MCC: variants seen among roughly 807,000 people sequenced by gnomAD.
MCC encodes the protein MCC regulator of Wnt signaling pathway, also known as colorectal mutant cancer protein.
Under a neutral mutation model 116.2 loss-of-function variants are expected in MCC, and 90 were observed. That is an observed-to-expected ratio of 0.77 (90% CI 0.65 to 0.92). MCC has a LOEUF of 0.92. Among genes scored for constraint, MCC ranks in the 40% least tolerant of loss-of-function variants. The pLI is 0.00. For missense variants in MCC, 1,516 were observed against 1,312.2 expected (o/e 1.16, Z -2.40); for synonymous variants, 578 against 510.5 (o/e 1.13, Z -1.78).
At chr5:113,085,876 G>C (rs1755169471) in intron 8 of MCC, among the ~76,000 whole-genome samples, 1 of 152,244 alleles carries the variant, frequency 6.6e-6, no homozygotes, top group Admixed American at 6.5e-5. Context: ...CCTTTGTAAA[G>C]ATAGAGTCTC....
At chr5:113,029,762 G>A (rs570864716) in intron 17 of MCC, among the ~76,000 whole-genome samples, 2 of 152,208 alleles carry the variant, frequency 1.3e-5, no homozygotes, top group Admixed American at 1.3e-4. Flanking sequence ...ACCCAGCAGG[G>A]AAACACTAAT....
rs371365914 is a variant in MCC, at chr5:113,281,263, T to C, written c.627+59256A>G. On this transcript the variant is annotated intron_variant, in intron 3 of 18. Transcript: ENST00000408903. ...CTGTAACCTTCTTCCAGTTAACCAA[T>C]TGCAACTCGTACAGTAATTCACAAA... Among the ~76,000 whole-genome samples the C allele has an allele frequency of 2.0e-4, 30 of 152,344 alleles. 4 individuals carry two copies. The highest frequency in any genetic ancestry group is 6.8e-3 in the Middle Eastern group (2 of 294).
At chr5:113,144,588 C>T (rs1057410110) in intron 4 of MCC, among the ~76,000 whole-genome samples, 7 of 152,256 alleles carry the variant, frequency 4.6e-5, no homozygotes, top group South Asian at 4.2e-4. Flanking sequence ...AGGCTTTCAA[C>T]GATAAACTGA....
rs201991975 is a variant in MCC at position 113,122,865 on chromosome 5, T to C, written c.885-39A>G. Reference sequence around the variant, plus strand: ...AGAATTGGCAACCACTAACAGAGGATATAAGACAACCCCCTAGAGAATATG... The same window carrying C: ...AGAATTGGCAACCACTAACAGAGGACATAAGACAACCCCCTAGAGAATATG... On this transcript the variant is annotated intron_variant, in intron 5 of 18. Transcript: ENST00000408903. The C allele has an allele frequency of 5.0e-6, 8 of 1,603,186 alleles. No individual in the cohort carries two copies. The East Asian group carries it at 1.6e-4, about 31-fold the overall frequency.
In MCC at chr5:113,122,729, C is replaced by T; in HGVS notation, c.982G>A (p.Val328Ile). ...SRSMDQDQTS[V>I]SIPENQSTMV... ...GTAGACTGGTTTTCGGGGATAGAGA[C>T]AGAGGTCTGGTCTTGGTCCATGCTT... The change falls in exon 6 of 19, where the codon GTC (valine) becomes ATC (isoleucine). Residue 328 changes from valine to isoleucine, a missense_variant. By Grantham distance (29) the Val-to-Ile change is conservative (BLOSUM62 3). Coordinates refer to ENST00000408903, the MANE Select transcript of MCC (RefSeq NM_001085377.2). 6.2e-7 allele frequency: 1 copy of T among 1,614,170 alleles called. No homozygotes were observed. Among genetic ancestry groups the T allele is most frequent in the Non-Finnish European group, 8.5e-7 (1 of 1,180,018 alleles).
chr5:113,360,531 C>T (rs993579452), intron 2 of MCC, among the ~76,000 whole-genome samples: 1 of 152,092 alleles, frequency 6.6e-6, no homozygotes, highest in Non-Finnish European at 1.5e-5. Flanking sequence ...GTTAGGTAGA[C>T]GTCACCAGTG....
At position 113,290,868 on chromosome 5, in the gene MCC, T is replaced by TA. The variant is rs200935005; in HGVS notation, c.627+49650dup. Among the ~76,000 whole-genome samples, 435 of 151,610 alleles carry TA rather than the reference T, an allele frequency of 2.9e-3. 2 individuals carry two copies. Among genetic ancestry groups the TA allele is most frequent in the Non-Finnish European group, 4.8e-3 (325 of 67,832 alleles). ...TGAAGTCCTTCCTTAATCTCAATTTTAAAAAAAAATCCCTTCAAATCTTTA... is the reference window on the plus strand; with the variant it reads ...TGAAGTCCTTCCTTAATCTCAATTTTAAAAAAAAAATCCCTTCAAATCTTTA... On this transcript the variant is annotated intron_variant, in intron 3 of 18. Transcript: ENST00000408903.
chr5:113,271,726 G>A lies in MCC; in HGVS notation c.627+68793C>T, dbSNP rs537382896. 7.4e-4 allele frequency among the ~76,000 whole-genome samples: 113 copies of A among 152,294 alleles called. 1 individual carries two copies. The highest frequency in any genetic ancestry group is 2.7e-3 in the African/African-American group (111 of 41,562). ...CCATAAGGGCTCTGCCCTTACAAAT[G>A]GATTAATGACATTTATCAGGGGAGT... On this transcript the variant is annotated intron_variant, in intron 3 of 18. Transcript: ENST00000408903.
intron 1 of MCC, among the ~76,000 whole-genome samples, chr5:113,403,751 C>T (rs1769756188): frequency 6.6e-6 from 1 of 152,178 alleles, no homozygotes. Context: ...CATCAGGGAG[C>T]CAGACCCAGG....
chr5:113,349,315 G>A (rs1768210684), intron 2 of MCC, among the ~76,000 whole-genome samples: 2 of 151,930 alleles, frequency 1.3e-5, no homozygotes, highest in South Asian at 4.1e-4. Context: ...CTAGCAAATT[G>A]AATTCAACAA....
chr5:113,249,154 C>G (rs553219735), intron 3 of MCC, among the ~76,000 whole-genome samples: 3 of 152,130 alleles, frequency 2.0e-5, no homozygotes, highest in Admixed American at 2.0e-4. Flanking sequence ...CTCTCTCTCT[C>G]TCTCTCTAAA....
chr5:113,488,347 C>CCGCTGG lies in MCC; in HGVS notation c.67_68insCCAGCG (p.Ser22_Gly23insAlaSer), dbSNP rs752204515. 6.6e-7 allele frequency: 1 copy of CCGCTGG among 1,513,876 alleles called. No individual in the cohort carries two copies. Among genetic ancestry groups the CCGCTGG allele is most frequent in the South Asian group, 1.2e-5 (1 of 80,378 alleles). 93.8% of individuals were successfully genotyped at this position (1,513,876 alleles called of 1,614,324 possible). Reference sequence around the variant, plus strand: ...CGTGTCGCTGCTGCTGCTGCTGCTGCCGCTGCCGCCGCCGCCGCCGCCGCT... The same window carrying CCGCTGG: ...CGTGTCGCTGCTGCTGCTGCTGCTGCCGCTGGCGCTGCCGCCGCCGCCGCCGCCGCT... On this transcript the variant is annotated inframe_insertion, in exon 1 of 19. Transcript: ENST00000408903.
At chr5:113,030,089 G>A (rs552685161) in intron 17 of MCC, among the ~76,000 whole-genome samples, 14 of 152,260 alleles carry the variant, frequency 9.2e-5, no homozygotes, top group East Asian at 1.9e-4. Context: ...GAAGGAATTC[G>A]TTTAAAAAGG....
intron 6 of MCC, among the ~76,000 whole-genome samples, chr5:113,110,034 G>C (rs1469054153): frequency 6.6e-6 from 1 of 151,904 alleles, no homozygotes; most frequent in Non-Finnish European, 1.5e-5. Flanking sequence ...GCCCAGGCTA[G>C]GAACGAACTC....
At chr5:113,059,038 T>A (rs1753029668) in intron 14 of MCC, among the ~76,000 whole-genome samples, 2 of 152,054 alleles carry the variant, frequency 1.3e-5, no homozygotes, top group African/African-American at 4.8e-5. Context: ...AGGCAGAGAC[T>A]GACAGGCGCT....
intron 3 of MCC, among the ~76,000 whole-genome samples, chr5:113,157,565 G>C (rs962168428): frequency 6.6e-6 from 1 of 152,192 alleles, no homozygotes; most frequent in Non-Finnish European, 1.5e-5. Flanking sequence ...CAGTCTTCCC[G>C]GCTTTGTTGG....
intron 1 of MCC, among the ~76,000 whole-genome samples, chr5:113,408,028 G>A (rs888158245): frequency 6.7e-6 from 1 of 150,070 alleles, no homozygotes; most frequent in African/African-American, 2.5e-5. Context: ...TTAGAAGAAG[G>A]GAACAGAGGA....
At chr5:113,072,771 T>C (rs1176147668) in intron 11 of MCC, among the ~76,000 whole-genome samples, 1 of 152,222 alleles carries the variant, frequency 6.6e-6, no homozygotes, top group Non-Finnish European at 1.5e-5. Context: ...ATGATGTTAT[T>C]AGGCAGGTAT....
At chr5:113,367,629 T>TGGG (rs796884870) in intron 2 of MCC, among the ~76,000 whole-genome samples, 77 of 51,184 alleles carry the variant, frequency 1.5e-3, no homozygotes, top group Non-Finnish European at 2.0e-3. Flanking sequence ...AGGCAGAGGG[T>TGGG]GGGGGGGGGG....
Sources: allele counts gnomAD v4.1 joint callset (sites outside exome capture counted in the v4.1 genomes callset), GRCh38; gene constraint gnomAD v4.1.1; transcripts MANE v1.5; gene names NCBI Gene and HGNC (gene_info 2026-07-23, HGNC 2026-07-21).